ERBB4: variants seen among roughly 807,000 people sequenced by gnomAD.
The protein encoded by ERBB4 is erb-b2 receptor tyrosine kinase 4, also known as receptor tyrosine-protein kinase erbB-4.
ERBB4 carries 42 observed loss-of-function variants against 158.0 expected under a neutral mutation model. That is an observed-to-expected ratio of 0.27 (90% CI 0.21 to 0.34). The LOEUF (loss-of-function observed/expected upper bound fraction) is 0.34, where lower values mean the gene tolerates loss of function less well. ERBB4 is among the 10% of genes least tolerant of loss of function. The pLI is 1.00. For missense variants in ERBB4, 1,333 were observed against 1,624.1 expected, an observed-to-expected ratio of 0.82 and a Z score of 3.08; for synonymous variants, 583 against 558.7, an observed-to-expected ratio of 1.04 and a Z score of -0.61.
At chr2:212,094,823 C>G (rs1415304912) in intron 2 of ERBB4, among the ~76,000 whole-genome samples, 2 of 151,882 alleles carry the variant, frequency 1.3e-5, no homozygotes, top group East Asian at 3.9e-4. Flanking sequence ...CTAACATAGT[C>G]CATAAATAAA....
chr2:212,372,814 C>G lies in ERBB4; in HGVS notation c.82+165635G>C, dbSNP rs1327487382. Among the ~76,000 whole-genome samples, 3 of 152,258 alleles carry G rather than the reference C, an allele frequency of 2.0e-5. No homozygotes were observed. The South Asian group carries it at 6.2e-4, about 32-fold the overall frequency. On this transcript the variant is annotated intron_variant, in intron 1 of 27. Transcript: ENST00000342788. ...CATCTTTTGAGCTATGTCCAGCTGT[C>G]TGTAGTTCTTTATACACTACATTTT...
intron 19 of ERBB4, among the ~76,000 whole-genome samples, chr2:211,566,243 G>C (rs570479631): frequency 1.3e-5 from 2 of 151,816 alleles, no homozygotes; most frequent in Non-Finnish European, 2.9e-5. Flanking sequence ...ATCAGTCAGC[G>C]GTAACAGGAG....
chr2:211,756,741 A>C (rs1037207109), intron 4 of ERBB4, among the ~76,000 whole-genome samples: 1 of 152,184 alleles, frequency 6.6e-6, no homozygotes, highest in African/African-American at 2.4e-5. Flanking sequence ...GACGGTTCCA[A>C]AATGACAAAA....
chr2:211,655,978 G>A (rs1263501049), intron 16 of ERBB4, among the ~76,000 whole-genome samples: 1 of 152,066 alleles, frequency 6.6e-6, no homozygotes, highest in Non-Finnish European at 1.5e-5. Context: ...AACATGTAAA[G>A]GCAATAACAT....
At chr2:211,805,756 A>G (rs2076598698) in intron 3 of ERBB4, among the ~76,000 whole-genome samples, 1 of 152,188 alleles carries the variant, frequency 6.6e-6, no homozygotes, top group African/African-American at 2.4e-5. Context: ...ATCTATGTCA[A>G]GATATATCTA....
chr2:211,615,698 T>G (rs2069359795), intron 19 of ERBB4, among the ~76,000 whole-genome samples: 1 of 152,120 alleles, frequency 6.6e-6, no homozygotes, highest in Admixed American at 6.6e-5. Context: ...AATATAAAAG[T>G]CCTCTCCTTT....
chr2:211,736,231 T>C (rs541992519), intron 5 of ERBB4, among the ~76,000 whole-genome samples: 49 of 152,194 alleles, frequency 3.2e-4, no homozygotes, highest in South Asian at 2.7e-3. Flanking sequence ...TTTGTAGTGT[T>C]TTTCAAACTT....
intron 1 of ERBB4, among the ~76,000 whole-genome samples, chr2:212,159,160 A>G (rs1415660383): frequency 6.6e-6 from 1 of 151,930 alleles, no homozygotes; most frequent in East Asian, 1.9e-4. Flanking sequence ...AAACACATGG[A>G]CTTAGAAACA....
intron 2 of ERBB4, among the ~76,000 whole-genome samples, chr2:211,999,030 T>C (rs2076041894): frequency 6.6e-6 from 1 of 151,792 alleles, no homozygotes; most frequent in Admixed American, 6.6e-5. Context: ...TTATTTTATT[T>C]CTTAGAATAT....
chr2:212,506,353 A>T (rs1332536528), intron 1 of ERBB4, among the ~76,000 whole-genome samples: 1 of 129,094 alleles, frequency 7.7e-6, no homozygotes, highest in Non-Finnish European at 1.9e-5. Flanking sequence ...AAAGAATTGC[A>T]TGTCTCTCAC....
intron 2 of ERBB4, among the ~76,000 whole-genome samples, chr2:212,026,308 T>C (rs901898619): frequency 5.3e-5 from 8 of 151,782 alleles, no homozygotes; most frequent in Admixed American, 2.0e-4. Flanking sequence ...ATAAGGTTCC[T>C]AATAGTGAAG....
chr2:212,196,093 C>T (rs1001955083), intron 1 of ERBB4, among the ~76,000 whole-genome samples: 8 of 152,104 alleles, frequency 5.3e-5, no homozygotes, highest in African/African-American at 1.2e-4. Context: ...TCCCCACCAC[C>T]GGAGTCAAAA....
At chr2:212,502,479 C>T (rs1690950021) in intron 1 of ERBB4, among the ~76,000 whole-genome samples, 1 of 152,240 alleles carries the variant, frequency 6.6e-6, no homozygotes, top group East Asian at 1.9e-4. Flanking sequence ...TACTCAGTGT[C>T]ACTTGGCTCA....
At chr2:211,599,905 G>T (rs2068749400) in intron 19 of ERBB4, among the ~76,000 whole-genome samples, 1 of 152,120 alleles carries the variant, frequency 6.6e-6, no homozygotes, top group Non-Finnish European at 1.5e-5. Flanking sequence ...TCCCAGCAGT[G>T]ACTACCTTAA....
At chr2:211,393,907 G>C (rs1309672051) in intron 25 of ERBB4, among the ~76,000 whole-genome samples, 2 of 151,912 alleles carry the variant, frequency 1.3e-5, no homozygotes, top group Non-Finnish European at 2.9e-5. Flanking sequence ...TAAATAACTG[G>C]AGAGCACAAA....
At chr2:211,778,313 C>T (rs1373085029) in intron 4 of ERBB4, 1 of 152,300 alleles carries the variant, frequency 6.6e-6, no homozygotes, top group East Asian at 1.9e-4. Context: ...GATATCGGAA[C>T]ACTGTACCTG....
chr2:212,101,345 C>CTATACATATATATATATATATA (rs1553558258), intron 2 of ERBB4, among the ~76,000 whole-genome samples: 9 of 98,182 alleles, frequency 9.2e-5, no homozygotes, highest in African/African-American at 2.6e-4. Flanking sequence ...CACACACACC[C>CTATACATATATATATATATATA]TATACATATA....
chr2:211,984,967 G>A (rs1478891782), intron 2 of ERBB4, among the ~76,000 whole-genome samples: 3 of 152,010 alleles, frequency 2.0e-5, no homozygotes, highest in East Asian at 1.9e-4. Flanking sequence ...CCTGACCTCC[G>A]GTGATCCACC....
intron 2 of ERBB4, among the ~76,000 whole-genome samples, chr2:212,079,900 T>A (rs992052642): frequency 3.9e-5 from 6 of 152,136 alleles, no homozygotes; most frequent in African/African-American, 1.4e-4. Context: ...CAACCCAATA[T>A]ATATTAATCT....
Sources: allele counts gnomAD v4.1 joint callset (sites outside exome capture counted in the v4.1 genomes callset), GRCh38; gene constraint gnomAD v4.1.1; transcripts MANE v1.5; gene names NCBI Gene and HGNC (gene_info 2026-07-23, HGNC 2026-07-21).